HDAC9: variants seen among roughly 807,000 people sequenced by gnomAD.
The protein encoded by HDAC9 is MEF-2 interacting transcription repressor (MITR) protein.
HDAC9 carries 41 observed loss-of-function variants against 139.4 expected under a neutral mutation model. The observed-to-expected ratio is 0.29, with a 90% CI of 0.23 to 0.38. HDAC9 has a LOEUF of 0.38. Ranked by LOEUF, HDAC9 falls within the 10% of genes least tolerant of loss-of-function variation. The pLI, the probability that HDAC9 is intolerant of heterozygous loss-of-function variation, is 1.00. For missense variants in HDAC9, 1,147 were observed against 1,297.0 expected, an observed-to-expected ratio of 0.88 and a Z score of 1.78; for synonymous variants, 517 against 476.2, an observed-to-expected ratio of 1.09 and a Z score of -1.12.
chr7:18,190,290 T>C (rs1444010757), intron 2 of HDAC9, among the ~76,000 whole-genome samples: 4 of 152,186 alleles, frequency 2.6e-5, no homozygotes, highest in Non-Finnish European at 4.4e-5. Context: ...ATTTTGGGCA[T>C]GTATACATAG....
At chr7:18,587,571 G>A (rs979044373) in intron 3 of HDAC9, among the ~76,000 whole-genome samples, 4 of 152,020 alleles carry the variant, frequency 2.6e-5, no homozygotes, top group Non-Finnish European at 4.4e-5. Context: ...TTTTTGAATC[G>A]TTAGCTTCTG....
intron 2 of HDAC9, among the ~76,000 whole-genome samples, chr7:18,255,963 T>G (rs2128202885): frequency 6.6e-6 from 1 of 152,270 alleles, no homozygotes; most frequent in Admixed American, 6.5e-5. Context: ...TCATGTGATG[T>G]GATTAAGGAA....
At chr7:18,741,633 T>C (rs1230264195) in intron 13 of HDAC9, among the ~76,000 whole-genome samples, 2 of 151,976 alleles carry the variant, frequency 1.3e-5, no homozygotes, top group African/African-American at 4.8e-5. Context: ...GATCAAGGAG[T>C]CTTTTAAATT....
chr7:18,880,951 C>T (rs1184018264), intron 22 of HDAC9, among the ~76,000 whole-genome samples: 5 of 151,598 alleles, frequency 3.3e-5, no homozygotes, highest in Middle Eastern at 3.4e-3. Context: ...TTTCCCCCAC[C>T]GAGTGCCTGT....
intron 1 of HDAC9, among the ~76,000 whole-genome samples, chr7:18,348,745 G>A (rs937855448): frequency 6.6e-6 from 1 of 152,080 alleles, no homozygotes; most frequent in Non-Finnish European, 1.5e-5. Context: ...TAAAATTGGT[G>A]TATTTCCTAC....
chr7:18,291,841 G>T (rs1428897054), intron 1 of HDAC9, among the ~76,000 whole-genome samples: 1 of 152,092 alleles, frequency 6.6e-6, no homozygotes, highest in Non-Finnish European at 1.5e-5. Flanking sequence ...TAAGCTCACA[G>T]AGCAAGGAGT....
chr7:18,418,815 G>T (rs995870078), intron 1 of HDAC9, among the ~76,000 whole-genome samples: 2 of 152,036 alleles, frequency 1.3e-5, no homozygotes, highest in Non-Finnish European at 2.9e-5. Context: ...ACAAGAGGGG[G>T]TGCATGCTAT....
upstream of HDAC9, among the ~76,000 whole-genome samples, chr7:18,493,760 A>C (rs926407371): frequency 2.0e-5 from 3 of 151,904 alleles, no homozygotes; most frequent in Admixed American, 2.0e-4. Context: ...AATGTTCTTT[A>C]CATAAATGTT....
intron 16 of HDAC9, among the ~76,000 whole-genome samples, chr7:18,784,968 TGTGTGTC>T (rs780471091): frequency 0.17 from 26,159 of 150,648 alleles, 2,704 homozygotes; most frequent in Middle Eastern, 0.25. Context: ...TGTGTGTGTG[TGTGTGTC>T]TGTGTGTGCA....
chr7:18,692,362 A>C (rs1039265131), intron 12 of HDAC9, among the ~76,000 whole-genome samples: 12 of 152,102 alleles, frequency 7.9e-5, no homozygotes, highest in Admixed American at 7.2e-4. Flanking sequence ...ACTTATTTAC[A>C]TTATTGATCG....
At chr7:18,848,500 A>T (rs1164974538) in intron 21 of HDAC9, among the ~76,000 whole-genome samples, 4 of 151,786 alleles carry the variant, frequency 2.6e-5, no homozygotes, top group Non-Finnish European at 5.9e-5. Flanking sequence ...CTCCATGCAC[A>T]CACACCGAGG....
At chr7:18,739,472 T>C in intron 13 of HDAC9, among the ~76,000 whole-genome samples, 1 of 151,498 alleles carries the variant, frequency 6.6e-6, no homozygotes, top group Non-Finnish European at 1.5e-5. Context: ...TTGTTGATGT[T>C]GATGCTATTC....
chr7:18,117,021 A>C (rs1487999248), intron 1 of HDAC9, among the ~76,000 whole-genome samples: 1 of 152,194 alleles, frequency 6.6e-6, no homozygotes, highest in East Asian at 1.9e-4. Context: ...AATGAACTTC[A>C]CATTTGTAGC....
intron 2 of HDAC9, among the ~76,000 whole-genome samples, chr7:18,529,223 A>C (rs1808021558): frequency 2.0e-5 from 3 of 152,210 alleles, no homozygotes; most frequent in Non-Finnish European, 4.4e-5. Flanking sequence ...AATGTCATCC[A>C]GATAACCTTC....
At chr7:18,838,255 A>G (rs1158345688) in intron 21 of HDAC9, among the ~76,000 whole-genome samples, 1 of 152,032 alleles carries the variant, frequency 6.6e-6, no homozygotes, top group African/African-American at 2.4e-5. Flanking sequence ...GGATCATAAT[A>G]TATGTCATAC....
chr7:18,585,236 TA>T, intron 2 of HDAC9, 44 bp from the exon 3 acceptor site: 3 of 1,597,324 alleles, frequency 1.9e-6, no homozygotes, highest in Non-Finnish European at 2.6e-6. Flanking sequence ...TCCAATCTTC[TA>T]TTACCCTCCC....
At chr7:18,661,518 T>G (rs1040408670) in intron 11 of HDAC9, among the ~76,000 whole-genome samples, 1 of 152,246 alleles carries the variant, frequency 6.6e-6, no homozygotes, top group Non-Finnish European at 1.5e-5. Flanking sequence ...TAAAAAGTTC[T>G]AGGTTTCTAC....
intron 22 of HDAC9, among the ~76,000 whole-genome samples, chr7:18,875,267 G>A (rs1309302091): frequency 1.3e-5 from 2 of 151,830 alleles, no homozygotes; most frequent in Non-Finnish European, 2.9e-5. Context: ...TGGGAAAAAA[G>A]GTATATATAT....
intron 12 of HDAC9, among the ~76,000 whole-genome samples, chr7:18,713,232 C>T (rs562212217): frequency 2.0e-5 from 3 of 151,986 alleles, no homozygotes; most frequent in East Asian, 3.8e-4. Context: ...ACTAATGAGA[C>T]CACTTAGCAG....
Sources: gnomAD v4.1 joint callset for allele counts (sites outside exome capture counted in the v4.1 genomes callset) on GRCh38, gnomAD v4.1.1 for gene constraint, MANE v1.5 for transcripts, NCBI Gene and HGNC (gene_info 2026-07-23, HGNC 2026-07-21) for gene names.